The following WDR27 variants were observed in gnomAD, a reference collection of about 807,000 sequenced individuals.
WDR27 encodes WD repeat-containing protein 27.
In WDR27, 100 loss-of-function variants were observed where a neutral mutation model predicts 114.4. The ratio of observed to expected loss-of-function variants is 0.87; its 90% CI spans 0.74 to 1.03. The LOEUF is 1.03. Among genes scored for constraint, WDR27 ranks in the 50% least tolerant of loss-of-function variants. The pLI, the probability that WDR27 is intolerant of heterozygous loss-of-function variation, is 0.00. For missense variants in WDR27, 1,129 were observed against 1,092.9 expected (o/e 1.03, Z -0.47); for synonymous variants, 449 against 423.1 (o/e 1.06, Z -0.75).
intron 25 of WDR27, among the ~76,000 whole-genome samples, chr6:169,472,180 C>G (rs576994203): frequency 5.3e-4 from 80 of 152,058 alleles, no homozygotes; most frequent in African/African-American, 1.9e-3. Context: ...TTAAGGGAAT[C>G]AAACATAAAA....
rs1788130894 is a variant in WDR27, at chr6:169,701,730, C to A, written c.-187G>T. The A allele has an allele frequency of 4.2e-6, 1 of 236,802 alleles. No homozygotes were observed. The highest frequency in any genetic ancestry group is 2.4e-5 in the African/African-American group (1 of 41,946). The allele number at this position is 236,802 out of a possible 1,614,324, so 14.7% of individuals were successfully genotyped here. ...AGCGGGCAACGGCTCTGGTCCAGAGCGCGCGTGTCCGCCGTTGGAAGCGGT... is the reference window on the plus strand; with the variant it reads ...AGCGGGCAACGGCTCTGGTCCAGAGAGCGCGTGTCCGCCGTTGGAAGCGGT... On this transcript the variant is annotated 5_prime_UTR_variant, in exon 1 of 26. Coordinates refer to ENST00000448612, the MANE Select transcript of WDR27 (RefSeq NM_182552.5).
At chr6:169,639,404 T>C (rs546811781) in intron 17 of WDR27, among the ~76,000 whole-genome samples, 4 of 152,172 alleles carry the variant, frequency 2.6e-5, no homozygotes, top group East Asian at 1.9e-4. Context: ...AACTACAGTA[T>C]AGAAATCTGT....
intron 22 of WDR27, among the ~76,000 whole-genome samples, chr6:169,611,599 C>A (rs1436257062): frequency 2.0e-5 from 3 of 152,208 alleles, no homozygotes; most frequent in African/African-American, 4.8e-5. Flanking sequence ...AACACAAATG[C>A]ATAGTGCAGC....
chr6:169,518,910 C>G (rs951387587), intron 25 of WDR27, among the ~76,000 whole-genome samples: 4 of 152,230 alleles, frequency 2.6e-5, no homozygotes, highest in Non-Finnish European at 5.9e-5. Context: ...AGCCAGGCCA[C>G]ATCTTGAACA....
intron 6 of WDR27, chr6:169,666,387 T>G: frequency 2.0e-6 from 2 of 985,444 alleles, no homozygotes; most frequent in Non-Finnish European, 2.4e-6. Context: ...TATCTGTATA[T>G]GCTTTAAGTG....
At chr6:169,518,817 T>C (rs540264106) in intron 25 of WDR27, among the ~76,000 whole-genome samples, 185 of 152,376 alleles carry the variant, frequency 1.2e-3, no homozygotes, top group African/African-American at 4.1e-3. Flanking sequence ...TCCAAACTTA[T>C]ATGCTCTGTT....
chr6:169,436,631 G>A, the WDR27 span, among the ~76,000 whole-genome samples: 1 of 151,926 alleles, frequency 6.6e-6, no homozygotes, highest in Non-Finnish European at 1.5e-5. Flanking sequence ...AATAAATTAG[G>A]TAAATGTAAA....
chr6:169,656,492 C>G (rs533332062), intron 13 of WDR27, among the ~76,000 whole-genome samples: 1 of 151,902 alleles, frequency 6.6e-6, no homozygotes, highest in South Asian at 2.1e-4. Context: ...ACTGACAGGG[C>G]CAAGAGAGAC....
At chr6:169,585,313 T>A (rs1804328840) in intron 23 of WDR27, among the ~76,000 whole-genome samples, 1 of 152,206 alleles carries the variant, frequency 6.6e-6, no homozygotes, top group Admixed American at 6.5e-5. Flanking sequence ...CTAAAGAGCT[T>A]CGGCTCAGCA....
At chr6:169,529,136 T>G (rs1185037356) in intron 25 of WDR27, among the ~76,000 whole-genome samples, 1 of 152,064 alleles carries the variant, frequency 6.6e-6, no homozygotes, top group Non-Finnish European at 1.5e-5. Context: ...ATAAAAGAAT[T>G]ATATGCAACC....
At chr6:169,633,917 T>C (rs1220557941) in intron 20 of WDR27, among the ~76,000 whole-genome samples, 1 of 152,234 alleles carries the variant, frequency 6.6e-6, no homozygotes, top group Admixed American at 6.5e-5. Context: ...CAACGTAGAT[T>C]GAACTTTGAG....
intron 25 of WDR27, among the ~76,000 whole-genome samples, chr6:169,563,351 C>A (rs959475216): frequency 1.3e-5 from 2 of 152,094 alleles, no homozygotes; most frequent in African/African-American, 4.8e-5. Context: ...TGAGTCCTGA[C>A]GGGAGCCCAC....
At chr6:169,456,424 T>G (rs1386319812), downstream of WDR27, among the ~76,000 whole-genome samples, 1 of 152,052 alleles carries the variant, frequency 6.6e-6, no homozygotes, top group African/African-American at 2.4e-5. The surrounding 1 kb of genome is among the most constrained non-coding windows in gnomAD (Gnocchi z 4.0). Context: ...GTTTCACGGA[T>G]AAAAGAGACC....
chr6:169,532,658 A>C (rs990088567), intron 25 of WDR27, among the ~76,000 whole-genome samples: 1 of 152,288 alleles, frequency 6.6e-6, no homozygotes, highest in South Asian at 2.1e-4. Flanking sequence ...AATTTTATTT[A>C]GTTTCAATTT....
intron 25 of WDR27, among the ~76,000 whole-genome samples, chr6:169,480,114 C>T (rs540405678): frequency 6.0e-4 from 92 of 152,290 alleles, no homozygotes; most frequent in African/African-American, 1.8e-3. Context: ...GCGGGCTCAG[C>T]GGGTCCCACA....
intron 25 of WDR27, among the ~76,000 whole-genome samples, chr6:169,460,995 A>G (rs1319970568): frequency 1.3e-5 from 2 of 152,184 alleles, no homozygotes; most frequent in Non-Finnish European, 2.9e-5. Context: ...AACAGAAAAA[A>G]AAAAGCTTTA....
chr6:169,432,838 T>G, the WDR27 span, among the ~76,000 whole-genome samples: 1 of 151,968 alleles, frequency 6.6e-6, no homozygotes, highest in Admixed American at 6.6e-5. Context: ...TTGGAACAGT[T>G]TGGAGGGCTC....
intron 25 of WDR27, among the ~76,000 whole-genome samples, chr6:169,529,640 T>G (rs2128077862): frequency 6.6e-6 from 1 of 152,310 alleles, no homozygotes; most frequent in South Asian, 2.1e-4. Flanking sequence ...TGTCTTTCAG[T>G]AAATAACTGA....
chr6:169,474,511 G>A (rs1454100302), intron 25 of WDR27, among the ~76,000 whole-genome samples: 2 of 152,106 alleles, frequency 1.3e-5, no homozygotes, highest in Admixed American at 6.5e-5. Context: ...TTTAATTCAT[G>A]GGTGAAGACC....
Sources: gnomAD v4.1 joint callset for allele counts (sites outside exome capture counted in the v4.1 genomes callset) on GRCh38, gnomAD v4.1.1 for gene constraint, Gnocchi (gnomAD v3.1) non-coding constraint, MANE v1.5 for transcripts, NCBI Gene and HGNC (gene_info 2026-07-23, HGNC 2026-07-21) for gene names.